The following LAMA4 variants were observed in gnomAD, a reference collection of about 807,000 sequenced individuals.
LAMA4 encodes laminin subunit alpha 4.
Under a neutral mutation model 207.1 loss-of-function variants are expected in LAMA4, and 127 were observed. The observed-to-expected ratio is 0.61, with a 90% CI of 0.53 to 0.71. LAMA4 has a LOEUF of 0.71. Ranked by LOEUF, LAMA4 falls within the 30% of genes least tolerant of loss-of-function variation. The probability of loss-of-function intolerance (pLI) is 0.00; values close to 1 mark genes in which losing one functional copy is unlikely to be tolerated. For missense variants in LAMA4, 2,093 were observed against 2,246.5 expected (o/e 0.93, Z 1.38); for synonymous variants, 761 against 816.0 (o/e 0.93, Z 1.15).
At chr6:112,235,751 C>T (rs144359987) in intron 2 of LAMA4, among the ~76,000 whole-genome samples, 192 of 152,046 alleles carry the variant, frequency 1.3e-3, no homozygotes, top group African/African-American at 3.7e-3. Context: ...AAACTCTAGC[C>T]GGAAATTCTG....
At chr6:112,150,937 G>GA (rs1226803515) in intron 16 of LAMA4, among the ~76,000 whole-genome samples, 5 of 151,826 alleles carry the variant, frequency 3.3e-5, no homozygotes, top group African/African-American at 4.8e-5. Flanking sequence ...GAGCTGAAAA[G>GA]AAAAAAATCT....
At position 112,140,923 on chromosome 6, in the gene LAMA4, C is replaced by T. The variant is rs974213863; in HGVS notation, c.2814-1G>A. On this transcript the variant is annotated splice_acceptor_variant, in intron 21 of 38. Transcript: ENST00000230538. LOFTEE classifies it high-confidence loss of function. ...AAACACCTTTCCATGTTTTCCCACC[C>T]TATTGAGATAAATAATTTTCACTTG... The T allele has an allele frequency of 1.2e-6, 2 of 1,609,566 alleles. No individual in the cohort carries two copies. The highest frequency in any genetic ancestry group is 1.7e-5 in the Admixed American group (1 of 60,006).
chr6:112,211,067 A>G (rs11962048), intron 3 of LAMA4, among the ~76,000 whole-genome samples: 10,533 of 139,432 alleles, frequency 0.076, 410 homozygotes, highest in East Asian at 0.16. Flanking sequence ...TACTTAGCCA[A>G]CTTCAATGTG....
chr6:112,131,203 G>A (rs1271581885), intron 28 of LAMA4, 102 bp from the exon 29 acceptor site: 2 of 1,064,886 alleles, frequency 1.9e-6, no homozygotes, highest in East Asian at 2.4e-5. Flanking sequence ...GCAATATAGT[G>A]TGTAGGAAAT....
intron 8 of LAMA4, among the ~76,000 whole-genome samples, chr6:112,185,591 G>T (rs975118182): frequency 6.6e-6 from 1 of 152,204 alleles, no homozygotes; most frequent in African/African-American, 2.4e-5. Context: ...CAGGGGCTGG[G>T]TTGACCATGG....
At position 112,150,502 on chromosome 6, in the gene LAMA4, G is replaced by A. The variant is rs1464340623; in HGVS notation, c.2173+9C>T. On this transcript the variant is annotated intron_variant, in intron 17 of 38. Transcript: ENST00000230538. ...AACAGATGAGACTTCAATTCTCTCT[G>A]ATGCTTACCTCTCTCTGCTGCTTGT... is the stretch of plus-strand genomic sequence containing the variant. 4 of 1,547,430 alleles carry A rather than the reference G, an allele frequency of 2.6e-6. No individual in the cohort carries two copies. The highest frequency in any genetic ancestry group is 2.7e-6 in the Non-Finnish European group (3 of 1,119,306).
At chr6:112,201,152 G>A (rs1783724318) in intron 5 of LAMA4, among the ~76,000 whole-genome samples, 1 of 152,154 alleles carries the variant, frequency 6.6e-6, no homozygotes, top group Non-Finnish European at 1.5e-5. Flanking sequence ...CTGGTATAAA[G>A]AATGGGCGAA....
chr6:112,195,233 A>T (rs1332428552), intron 5 of LAMA4, among the ~76,000 whole-genome samples: 1 of 152,080 alleles, frequency 6.6e-6, no homozygotes, highest in African/African-American at 2.4e-5. Flanking sequence ...AAATAAAATG[A>T]CATAAAAAAA....
At chr6:112,157,997 G>A (rs1780821629) in intron 14 of LAMA4, 1 of 152,104 alleles carries the variant, frequency 6.6e-6, no homozygotes, top group African/African-American at 2.4e-5. Context: ...GTTAATATTG[G>A]TTCTTATTTT....
intron 11 of LAMA4, 49 bp downstream of exon 11, chr6:112,175,264 C>T (rs372883834): frequency 6.3e-7 from 1 of 1,591,296 alleles, no homozygotes; most frequent in Non-Finnish European, 8.6e-7. Flanking sequence ...ATTGGACCCA[C>T]AAAGAGGGCA....
At chr6:112,131,319 A>G (rs1554329723) in intron 28 of LAMA4, among the ~76,000 whole-genome samples, 2 of 152,118 alleles carry the variant, frequency 1.3e-5, no homozygotes, top group Non-Finnish European at 2.9e-5. Context: ...TGTATCTCCT[A>G]TATTTCCAAC....
chr6:112,226,168 T>C (rs1233942828), intron 2 of LAMA4, among the ~76,000 whole-genome samples: 3 of 152,204 alleles, frequency 2.0e-5, no homozygotes, highest in Non-Finnish European at 2.9e-5. Context: ...CAGAAGTTCT[T>C]CCTTCCAGTT....
In LAMA4 at chr6:112,154,926, G is replaced by C; in HGVS notation, c.1981C>G (p.Gln661Glu). ...CTTTCATCTTTATGGTAAATGATTT[G>C]AGTATCAATCCCACTCACCGCCTAC... ...IYDAVSGIDT[Q>E]IIYHKDESEN... The change falls in exon 16 of 39, where the codon CAA becomes GAA. Residue 661 changes from glutamine to glutamate, a missense_variant. Gln to Glu is a conservative substitution (Grantham distance 29, BLOSUM62 2). Coordinates refer to ENST00000230538, the MANE Select transcript of LAMA4 (RefSeq NM_001105206.3). 6.2e-7 allele frequency: 1 copy of C among 1,612,420 alleles called. No individual in the cohort carries two copies. The highest frequency in any genetic ancestry group is 1.1e-5 in the South Asian group (1 of 91,046).
At chr6:112,193,301 G>C (rs1383763401) in intron 5 of LAMA4, among the ~76,000 whole-genome samples, 1 of 152,062 alleles carries the variant, frequency 6.6e-6, no homozygotes, top group East Asian at 1.9e-4. Context: ...GGGATGGGGT[G>C]GGGTATAGAG....
chr6:112,236,576 A>G (rs974707440), intron 2 of LAMA4: 1 of 152,218 alleles, frequency 6.6e-6, no homozygotes, highest in Non-Finnish European at 1.5e-5. Flanking sequence ...GAGGTCTTCA[A>G]GCTACAGGTA....
chr6:112,221,147 G>A (rs1784902365), intron 2 of LAMA4, among the ~76,000 whole-genome samples: 1 of 152,160 alleles, frequency 6.6e-6, no homozygotes, highest in Non-Finnish European at 1.5e-5. Context: ...CGGAGAGTAT[G>A]AGATAAATTC....
chr6:112,186,648 A>C, intron 8 of LAMA4: 1 of 382,622 alleles, frequency 2.6e-6, no homozygotes, highest in South Asian at 2.1e-5. Flanking sequence ...AGAATACTTT[A>C]AATCATCTCT....
Position 112,191,700 on chromosome 6 carries a change from T to G in LAMA4, c.654A>C (p.Gly218=). The change falls in exon 6 of 39, where the codon GGA becomes GGC. Residue 218 remains glycine, a synonymous_variant. Coordinates refer to ENST00000230538, the MANE Select transcript of LAMA4 (RefSeq NM_001105206.3). Reference sequence around the variant, plus strand: ...CAGGAGCGCAACGTTCACACTTGAATCCGGTGGTGTTGCGTAAGCAATTCC... The same window carrying G: ...CAGGAGCGCAACGTTCACACTTGAAGCCGGTGGTGTTGCGTAAGCAATTCC... ...QCRNCLRNTT[G]FKCERCAPGY... The G allele has an allele frequency of 6.2e-7, 1 of 1,614,110 alleles. No individual in the cohort carries two copies. Among genetic ancestry groups the G allele is most frequent in the Non-Finnish European group, 8.5e-7 (1 of 1,180,000 alleles).
At chr6:112,237,316 C>T (rs932110246) in intron 2 of LAMA4, among the ~76,000 whole-genome samples, 7 of 152,128 alleles carry the variant, frequency 4.6e-5, no homozygotes, top group East Asian at 1.9e-4. Flanking sequence ...CCAAGGCAGA[C>T]GTGTGTACTG....
Sources: gnomAD v4.1 joint callset for allele counts (sites outside exome capture counted in the v4.1 genomes callset) on GRCh38, gnomAD v4.1.1 for gene constraint, MANE v1.5 for transcripts, NCBI Gene and HGNC (gene_info 2026-07-23, HGNC 2026-07-21) for gene names.